Variants in DISP1 observed in about 807,000 individuals in gnomAD.
DISP1 encodes dispatched RND transporter family member 1.
A neutral mutation model predicts 37.3 loss-of-function variants in DISP1; 30 were observed. The ratio of observed to expected loss-of-function variants is 0.80; its 90% confidence interval spans 0.60 to 1.09. DISP1 has a LOEUF of 1.09. Ranked by LOEUF, DISP1 falls within the 50% of genes least tolerant of loss-of-function variation. The pLI is 0.00. For synonymous variants in DISP1, 634 were observed against 690.2 expected (o/e 0.92, Z 1.28); for missense variants, 1,598 against 1,879.5 (o/e 0.85, Z 2.77).
intron 1 of DISP1, among the ~76,000 whole-genome samples, chr1:222,825,903 ATTGT>A (rs933700169): frequency 7.9e-5 from 12 of 151,432 alleles, no homozygotes; most frequent in South Asian, 4.2e-4. Context: ...TGCTTACCAA[ATTGT>A]TTGTTTGTTT....
intron 1 of DISP1, among the ~76,000 whole-genome samples, chr1:222,909,378 A>C (rs1355965107): frequency 6.6e-6 from 1 of 152,210 alleles, no homozygotes; most frequent in African/African-American, 2.4e-5. Flanking sequence ...AATGGACAAT[A>C]TGGTTGTTAT....
intron 3 of DISP1, among the ~76,000 whole-genome samples, chr1:222,978,694 T>A (rs1356553986): frequency 6.6e-6 from 1 of 152,214 alleles, no homozygotes; most frequent in African/African-American, 2.4e-5. Flanking sequence ...AATTAATTTT[T>A]GTATAAGGTG....
chr1:222,959,142 G>C (rs1044327476), intron 3 of DISP1, among the ~76,000 whole-genome samples: 1 of 152,048 alleles, frequency 6.6e-6, no homozygotes, highest in Non-Finnish European at 1.5e-5. Flanking sequence ...TCTTCCCTGA[G>C]TATAAAGAAT....
At chr1:222,990,446 A>G (rs1273735690) in intron 4 of DISP1, among the ~76,000 whole-genome samples, 179 bp from the exon 5 acceptor site, 1 of 152,230 alleles carries the variant, frequency 6.6e-6, no homozygotes, top group Non-Finnish European at 1.5e-5. Flanking sequence ...ACATACAAAT[A>G]TTTATAATCC....
intron 1 of DISP1, among the ~76,000 whole-genome samples, chr1:222,927,240 A>T (rs1274861166): frequency 1.3e-5 from 2 of 152,094 alleles, no homozygotes; most frequent in East Asian, 3.9e-4. Context: ...GTGGATGTGA[A>T]GTGGTATCTA....
chr1:222,926,743 A>AG (rs1433796354), intron 1 of DISP1, among the ~76,000 whole-genome samples: 1 of 152,148 alleles, frequency 6.6e-6, no homozygotes, highest in African/African-American at 2.4e-5. Flanking sequence ...CACTTAGAGT[A>AG]GGCAGCACTT....
At chr1:222,861,757 G>A (rs1668890430) in intron 1 of DISP1, among the ~76,000 whole-genome samples, 1 of 152,040 alleles carries the variant, frequency 6.6e-6, no homozygotes, top group Non-Finnish European at 1.5e-5. Context: ...AATAAAGCAA[G>A]TTATACTTTT....
intron 1 of DISP1, among the ~76,000 whole-genome samples, chr1:222,860,282 G>A (rs1668806598): frequency 6.6e-6 from 1 of 152,092 alleles, no homozygotes; most frequent in Non-Finnish European, 1.5e-5. Flanking sequence ...TTGAACTCCC[G>A]ACCTCAGGTG....
At chr1:222,832,132 A>C (rs533073979) in intron 1 of DISP1, among the ~76,000 whole-genome samples, 2 of 151,848 alleles carry the variant, frequency 1.3e-5, no homozygotes, top group Non-Finnish European at 2.9e-5. Context: ...ATTCAAAAAA[A>C]ATGTGGTGGG....
At chr1:222,977,897 G>A (rs1173310079) in intron 3 of DISP1, among the ~76,000 whole-genome samples, 1 of 152,090 alleles carries the variant, frequency 6.6e-6, no homozygotes, top group Non-Finnish European at 1.5e-5. Context: ...AGTATTCCAT[G>A]GTGTATATGT....
intron 1 of DISP1, among the ~76,000 whole-genome samples, chr1:222,891,172 T>C (rs1319175696): frequency 6.6e-6 from 1 of 152,050 alleles, no homozygotes; most frequent in Non-Finnish European, 1.5e-5. Flanking sequence ...TGGAGAAGCA[T>C]GGCTCATTTA....
At chr1:222,939,355 ATTT>A (rs35313341) in intron 2 of DISP1, among the ~76,000 whole-genome samples, 17,706 of 112,510 alleles carry the variant, frequency 0.16, 1,311 homozygotes, top group South Asian at 0.27. Flanking sequence ...AAGAAAAATA[ATTT>A]TTTTTTTTTT....
intron 1 of DISP1, among the ~76,000 whole-genome samples, chr1:222,901,889 A>T (rs17163547): frequency 0.078 from 11,929 of 152,276 alleles, 560 homozygotes; most frequent in East Asian, 0.24. Flanking sequence ...TTGAACCCAG[A>T]TGGAAAGTGT....
chr1:222,995,918 A>G (rs769514958), intron 8 of DISP1, among the ~76,000 whole-genome samples: 7 of 152,196 alleles, frequency 4.6e-5, no homozygotes, highest in Non-Finnish European at 8.8e-5. Flanking sequence ...AGAAGAGATC[A>G]CCCAAACCAG....
intron 8 of DISP1, among the ~76,000 whole-genome samples, chr1:223,000,597 T>G (rs1679364698): frequency 6.6e-6 from 1 of 152,184 alleles, no homozygotes; most frequent in Admixed American, 6.5e-5. Context: ...TTCTCCAGCA[T>G]ATACAAAAGT....
At chr1:222,959,717 GAAAGA>G (rs1675897622) in intron 3 of DISP1, among the ~76,000 whole-genome samples, 1 of 93,510 alleles carries the variant, frequency 1.1e-5, no homozygotes, top group African/African-American at 3.6e-5. Context: ...AAAAAAAAAA[GAAAGA>G]AAAGAAAAGA....
At position 222,943,048 on chromosome 1, in the gene DISP1, T is replaced by A. The variant is rs778961748; in HGVS notation, c.225T>A (p.Pro75=). 6.2e-7 allele frequency: 1 copy of A among 1,614,124 alleles called. No individual in the cohort carries two copies. The highest frequency in any genetic ancestry group is 1.7e-5 in the Admixed American group (1 of 60,008). Residue 75 remains proline, a synonymous_variant, in exon 3 of 9, where the codon CCT becomes CCA. Coordinates refer to ENST00000675850, the MANE Select transcript of DISP1 (RefSeq NM_001377229.1). Reference sequence around the variant, plus strand: ...TGCCTTTAGACAACCAAAGAATGCCTCAGATGTTACCCCAATGCTGCCATC... The same window carrying A: ...TGCCTTTAGACAACCAAAGAATGCCACAGATGTTACCCCAATGCTGCCATC... ...SFLPLDNQRM[P]QMLPQCCHPC...
chr1:222,821,409 C>T (rs994488720), intron 1 of DISP1, among the ~76,000 whole-genome samples: 1 of 152,172 alleles, frequency 6.6e-6, no homozygotes, highest in Non-Finnish European at 1.5e-5. Flanking sequence ...GATATGAAAG[C>T]ACTTAGGAAT....
At chr1:222,977,363 A>G (rs1204156159) in intron 3 of DISP1, among the ~76,000 whole-genome samples, 5 of 58,404 alleles carry the variant, frequency 8.6e-5, no homozygotes, top group African/African-American at 3.5e-4. Context: ...TTTTTTTTTC[A>G]AAGAGGGCTG....
Sources: gnomAD v4.1 joint callset for allele counts (sites outside exome capture counted in the v4.1 genomes callset) on GRCh38, gnomAD v4.1.1 for gene constraint, MANE v1.5 for transcripts, NCBI Gene and HGNC (gene_info 2026-07-23, HGNC 2026-07-21) for gene names.